Variants in UTRN observed in about 807,000 individuals in gnomAD.
UTRN encodes the protein utrophin.
Under a neutral mutation model 463.9 loss-of-function variants are expected in UTRN, and 283 were observed. The ratio of observed to expected loss-of-function variants is 0.61; its 90% CI spans 0.55 to 0.67. The LOEUF is 0.67. Ranked by LOEUF, UTRN falls within the 30% of genes least tolerant of loss-of-function variation. The probability of loss-of-function intolerance (pLI) is 0.00; values close to 1 mark genes in which losing one functional copy is unlikely to be tolerated. For missense variants in UTRN, 3,922 were observed against 4,084.3 expected, an observed-to-expected ratio of 0.96 and a Z score of 1.08; for synonymous variants, 1,442 against 1,431.5, an observed-to-expected ratio of 1.01 and a Z score of -0.17.
At chr6:144,378,159 TTGA>T (rs1307354882) in intron 2 of UTRN, among the ~76,000 whole-genome samples, 1 of 152,224 alleles carries the variant, frequency 6.6e-6, no homozygotes, top group Non-Finnish European at 1.5e-5. Context: ...GTGGATCATC[TTGA>T]TGATGATGGT....
intron 53 of UTRN, among the ~76,000 whole-genome samples, chr6:144,718,634 G>T (rs1786764982): frequency 6.6e-6 from 1 of 152,206 alleles, no homozygotes; most frequent in African/African-American, 2.4e-5. Context: ...GTGTGCCTGT[G>T]TGGTATGGAC....
In UTRN at chr6:144,722,973, A is replaced by C. The variant is rs74455785; in HGVS notation, c.7810-7384A>C. 9.0e-3 allele frequency among the ~76,000 whole-genome samples: 1,366 copies of C among 152,288 alleles called. 28 individuals carry two copies. Among genetic ancestry groups the C allele is most frequent in the African/African-American group, 0.031 (1,301 of 41,552 alleles). ...AAAATAATTGTCATTGTTTTAAGCT[A>C]TAAGTTTTATATAGGTTTGATACAC... is the stretch of plus-strand genomic sequence containing the variant. On this transcript the variant is annotated intron_variant, in intron 53 of 74. Transcript: ENST00000367545.
intron 65 of UTRN, among the ~76,000 whole-genome samples, chr6:144,809,752 G>T (rs1302159210): frequency 6.6e-6 from 1 of 152,066 alleles, no homozygotes; most frequent in Admixed American, 6.6e-5. Context: ...AGCCCTGTCT[G>T]GCGTTGTGCC....
chr6:144,285,965 A>T (rs1803623742), intron 1 of UTRN, 144 bp downstream of exon 1: 1 of 152,270 alleles, frequency 6.6e-6, no homozygotes, highest in Admixed American at 6.5e-5. Context: ...CAAGTCCCAG[A>T]GTCGAAGATG....
intron 34 of UTRN, among the ~76,000 whole-genome samples, chr6:144,508,659 G>C (rs1794908178): frequency 6.6e-6 from 1 of 152,202 alleles, no homozygotes; most frequent in African/African-American, 2.4e-5. Flanking sequence ...CTGCAGACTG[G>C]AGCTGTTCCT....
chr6:144,834,025 T>C lies in UTRN; in HGVS notation c.9666-1755T>C, dbSNP rs78868009. Among the ~76,000 whole-genome samples the C allele has an allele frequency of 4.4e-3, 677 of 152,258 alleles. 20 individuals carry two copies. In the East Asian group the frequency reaches 0.065, roughly 15 times the overall value. ...GTCCTTCTAAACCCAGGAACAAGCATGGGGTTCTTGCAGAGGTTCCTTCAT... is the reference window on the plus strand; with the variant it reads ...GTCCTTCTAAACCCAGGAACAAGCACGGGGTTCTTGCAGAGGTTCCTTCAT... On this transcript the variant is annotated intron_variant, in intron 69 of 74. Transcript: ENST00000367545.
chr6:144,577,322 T>C (rs1326732003), intron 51 of UTRN, 34 bp downstream of exon 51: 2 of 1,602,162 alleles, frequency 1.2e-6, no homozygotes, highest in Non-Finnish European at 8.5e-7. Flanking sequence ...AGTACCTGTG[T>C]TTGCCCTGTG....
At chr6:144,834,300 C>T (rs11752756) in intron 69 of UTRN, among the ~76,000 whole-genome samples, 19,321 of 152,088 alleles carry the variant, frequency 0.13, 1,802 homozygotes, top group Admixed American at 0.33. Context: ...CACATACACA[C>T]ATGTTCATAT....
Position 144,508,295 on chromosome 6 carries a change from C to A in UTRN, c.4765-2649C>A, listed in dbSNP as rs138726987. 6.5e-3 allele frequency among the ~76,000 whole-genome samples: 990 copies of A among 152,130 alleles called. 3 individuals are homozygous for A. The highest frequency in any genetic ancestry group is 0.024 in the Middle Eastern group (7 of 294). On this transcript the variant is annotated intron_variant, in intron 34 of 74. Transcript: ENST00000367545. ...GGCACCACTGGGGTGTGAAAAAAAA[C>A]AAACAAACAACTCCTGCAGCTAGCT...
At chr6:144,760,340 G>A (rs1792514620) in intron 58 of UTRN, among the ~76,000 whole-genome samples, 2 of 151,974 alleles carry the variant, frequency 1.3e-5, no homozygotes, top group Admixed American at 6.6e-5. Context: ...TATAATGATG[G>A]CCACTATTTT....
chr6:144,482,402 A>G lies in UTRN; in HGVS notation c.3687+14A>G, dbSNP rs1268025346. The G allele has an allele frequency of 2.3e-6, 3 of 1,276,858 alleles. No homozygotes were observed. Among genetic ancestry groups the G allele is most frequent in the African/African-American group, 3.8e-5 (2 of 53,242 alleles). The allele number at this position is 1,276,858 out of a possible 1,614,324, so 79.1% of individuals were successfully genotyped here. A position where few individuals can be genotyped will look rare whatever the true frequency, so the allele number is the denominator to read the frequency against. On this transcript the variant is annotated intron_variant, in intron 27 of 74. Coordinates refer to ENST00000367545, the MANE Select transcript of UTRN (RefSeq NM_007124.3). ...CACACGCTAGAGGTATGCTATTATT[A>G]TTATTGTTGTTATTATTATTATTAT...
chr6:144,731,693 C>T (rs757774951), intron 54 of UTRN, among the ~76,000 whole-genome samples: 2 of 152,102 alleles, frequency 1.3e-5, no homozygotes, highest in Non-Finnish European at 2.9e-5. Context: ...TATATACACA[C>T]ATGTACACAC....
chr6:144,615,802 A>G (rs1320514305), intron 51 of UTRN, among the ~76,000 whole-genome samples: 1 of 152,198 alleles, frequency 6.6e-6, no homozygotes, highest in Non-Finnish European at 1.5e-5. Flanking sequence ...AAGCAAATAC[A>G]TAACATGACA....
At position 144,516,245 on chromosome 6, in the gene UTRN, A is replaced by G. The variant is rs1470856411; in HGVS notation, c.5261A>G (p.Glu1754Gly). ...CTTCTACAGTTGCTAATTGCTCAGGAACCATTATACCAATGTTTGGTCACC... is the reference window on the plus strand; with the variant it reads ...CTTCTACAGTTGCTAATTGCTCAGGGACCATTATACCAATGTTTGGTCACC... Reference protein sequence around the residue: ...IKSAKLLIAQEPLYQCLVTTE... With the variant: ...IKSAKLLIAQGPLYQCLVTTE... The change falls in exon 38 of 75, where the codon GAA (glutamate) becomes GGA (glycine). Residue 1754 changes from glutamate (E) to glycine (G), a missense_variant. This residue lies in a region of UTRN where 2,349 missense variants were observed against 2,303.8 expected (regional missense o/e 1.02). Coordinates refer to ENST00000367545, the MANE Select transcript of UTRN (RefSeq NM_007124.3). 1 of 1,612,888 alleles carries G rather than the reference A, an allele frequency of 6.2e-7. No individual in the cohort carries two copies. Among genetic ancestry groups the G allele is most frequent in the Non-Finnish European group, 8.5e-7 (1 of 1,179,784 alleles).
chr6:144,784,995 A>G (rs1484915366), intron 61 of UTRN, among the ~76,000 whole-genome samples: 1 of 152,236 alleles, frequency 6.6e-6, no homozygotes, highest in Non-Finnish European at 1.5e-5. Flanking sequence ...AGTTATTCTT[A>G]TGACAGTAAT....
intron 1 of UTRN, among the ~76,000 whole-genome samples, chr6:144,289,582 A>G (rs1804026101): frequency 6.6e-6 from 1 of 152,128 alleles, no homozygotes; most frequent in Admixed American, 6.5e-5. Flanking sequence ...TAAGCTTCCC[A>G]AAGTACTGGG....
intron 51 of UTRN, among the ~76,000 whole-genome samples, chr6:144,588,842 A>G (rs1490569913): frequency 6.6e-6 from 1 of 152,204 alleles, no homozygotes; most frequent in African/African-American, 2.4e-5. Context: ...TTCCTACCAT[A>G]GAGATAAAAG....
chr6:144,596,866 A>G (rs1803699404), intron 51 of UTRN, among the ~76,000 whole-genome samples: 1 of 152,220 alleles, frequency 6.6e-6, no homozygotes, highest in South Asian at 2.1e-4. Context: ...ACTGTTGAGC[A>G]TCATAAAAGA....
rs1781797633 is a variant in UTRN, at chr6:144,677,825, T to C, written c.7480-581T>C. ...GCAGGAGATGGTATCTCATTGTGGT[T>C]TTGATTTGCATTTCTCTAATGACCA... On this transcript the variant is annotated intron_variant, in intron 51 of 74. Transcript: ENST00000367545. Among the ~76,000 whole-genome samples the C allele has an allele frequency of 2.0e-5, 3 of 152,332 alleles. 1 individual carries two copies. The South Asian group carries it at 6.2e-4, about 32-fold the overall frequency.
Sources: gnomAD v4.1 joint callset for allele counts (sites outside exome capture counted in the v4.1 genomes callset) on GRCh38, gnomAD v4.1.1 for gene constraint, gnomAD v4.1.1 regional missense constraint, MANE v1.5 for transcripts, NCBI Gene and HGNC (gene_info 2026-07-23, HGNC 2026-07-21) for gene names.